The following NLGN4X variants were observed in gnomAD, a reference collection of about 807,000 sequenced individuals.
NLGN4X encodes neuroligin 4 X-linked.
Under a neutral mutation model 40.3 loss-of-function variants are expected in NLGN4X, and 3 were observed. The ratio of observed to expected loss-of-function variants is 0.07; its 90% CI spans 0.03 to 0.19. The LOEUF (loss-of-function observed/expected upper bound fraction) is 0.19. Ranked by LOEUF, NLGN4X falls within the 10% of genes least tolerant of loss-of-function variation. NLGN4X has a pLI of 1.00. For synonymous variants in NLGN4X, 270 were observed against 306.8 expected (o/e 0.88, Z 1.25); for missense variants, 382 against 708.3 (o/e 0.54, Z 5.23).
At chrX:6,102,189 C>A (rs1027536538) in intron 2 of NLGN4X, among the ~76,000 whole-genome samples, 2 of 111,641 alleles carry the variant, frequency 1.8e-5, no homozygotes, top group East Asian at 5.6e-4. Context: ...AGGAGATGGA[C>A]ACCCCATTTT....
At chrX:5,936,042 T>C (rs1236186290) in intron 3 of NLGN4X, among the ~76,000 whole-genome samples, 1 of 112,247 alleles carries the variant, frequency 8.9e-6, no homozygotes, top group Non-Finnish European at 1.9e-5. Flanking sequence ...AAAATCTTCG[T>C]GTTCTAATCT....
chrX:5,990,452 C>T (rs1288301547), intron 3 of NLGN4X, among the ~76,000 whole-genome samples: 1 of 111,222 alleles, frequency 9.0e-6, no homozygotes, highest in Non-Finnish European at 1.9e-5. Flanking sequence ...ACCCATGGCT[C>T]TCTGCAAAAG....
intron 3 of NLGN4X, among the ~76,000 whole-genome samples, chrX:5,937,855 A>G (rs758145282): frequency 8.9e-6 from 1 of 112,220 alleles, no homozygotes; most frequent in South Asian, 3.7e-4. Flanking sequence ...TTATGGATGA[A>G]AGTTTCAACA....
chrX:5,892,532 T>G lies in NLGN4X; in HGVS notation c.*285A>C. The G allele has an allele frequency of 3.0e-6, 1 of 332,281 alleles. No homozygotes were observed. The highest frequency in any genetic ancestry group is 5.9e-5 in the East Asian group (1 of 17,023). 27.4% of individuals were successfully genotyped at this position (332,281 alleles called of 1,213,427 possible). On this transcript the variant is annotated 3_prime_UTR_variant, in exon 6 of 6. Coordinates refer to ENST00000381095, the MANE Select transcript of NLGN4X (RefSeq NM_181332.3). ...TGGTGATGTCCTATCACACTAAACA[T>G]CGATTGGAGTGGTAGAGATCTTAAA...
intron 5 of NLGN4X, among the ~76,000 whole-genome samples, chrX:5,897,449 C>T (rs1310715212): frequency 1.8e-5 from 2 of 111,416 alleles, no homozygotes; most frequent in Non-Finnish European, 3.8e-5. Context: ...TTCACTTCTC[C>T]TTGACACTGC....
At chrX:6,051,457 T>G (rs1295243132) in intron 2 of NLGN4X, among the ~76,000 whole-genome samples, 1 of 110,944 alleles carries the variant, frequency 9.0e-6, no homozygotes, top group African/African-American at 3.3e-5. Flanking sequence ...TAGTATCCTT[T>G]TAAGAAGAGG....
chrX:6,067,158 C>T (rs1291157759), intron 2 of NLGN4X, among the ~76,000 whole-genome samples: 2 of 108,980 alleles, frequency 1.8e-5, no homozygotes, highest in African/African-American at 6.7e-5. Context: ...CAAATGCATA[C>T]AATTTAAAGC....
At chrX:6,093,355 T>G (rs2147457541) in intron 2 of NLGN4X, among the ~76,000 whole-genome samples, 1 of 112,407 alleles carries the variant, frequency 8.9e-6, no homozygotes, top group Non-Finnish European at 1.9e-5. Flanking sequence ...GACAGGTGAT[T>G]GGTATTTTCT....
chrX:5,936,887 G>A (rs1330855991), intron 3 of NLGN4X, among the ~76,000 whole-genome samples: 2 of 111,907 alleles, frequency 1.8e-5, no homozygotes, highest in South Asian at 3.7e-4. Context: ...GATCAGTGGA[G>A]CTGAGAGTTG....
intron 1 of NLGN4X, among the ~76,000 whole-genome samples, chrX:6,202,229 T>A (rs1923683002): frequency 9.1e-6 from 1 of 110,274 alleles, no homozygotes; most frequent in Non-Finnish European, 1.9e-5. Flanking sequence ...ATAAGGGAAG[T>A]GGGAACAATT....
At chrX:6,047,695 A>T (rs140821902) in intron 2 of NLGN4X, among the ~76,000 whole-genome samples, 1 of 111,859 alleles carries the variant, frequency 8.9e-6, no homozygotes, top group Admixed American at 9.5e-5. Context: ...CAAAATGTCC[A>T]GGATTGAGGG....
At chrX:5,900,379 G>A (rs766926464) in intron 5 of NLGN4X, among the ~76,000 whole-genome samples, 1 of 109,763 alleles carries the variant, frequency 9.1e-6, no homozygotes, top group African/African-American at 3.3e-5. Context: ...TGGTGCACCT[G>A]CAAGGTAGGA....
chrX:5,913,523 G>T (rs888399704), intron 3 of NLGN4X, among the ~76,000 whole-genome samples: 1 of 111,914 alleles, frequency 8.9e-6, no homozygotes, highest in Non-Finnish European at 1.9e-5. Context: ...CATTTTAGCC[G>T]ATGAAATTTT....
chrX:5,929,584 GCA>G lies in NLGN4X; in HGVS notation c.626-20347_626-20346del, dbSNP rs1195554616. ...TATATATATGCATGCACACATGTGTGCACACACACATATTTCACACTTATTAC... is the reference window on the plus strand; with the variant it reads ...TATATATATGCATGCACACATGTGTGCACACACATATTTCACACTTATTAC... On this transcript the variant is annotated intron_variant, in intron 3 of 5. Coordinates refer to ENST00000381095, the MANE Select transcript of NLGN4X (RefSeq NM_181332.3). Among the ~76,000 whole-genome samples, 5 of 111,958 alleles carry G rather than the reference GCA, an allele frequency of 4.5e-5. No homozygotes were observed. In the South Asian group the frequency reaches 1.5e-3, roughly 33 times the overall value.
At chrX:6,228,042 T>C (rs1203890129) in intron 1 of NLGN4X, among the ~76,000 whole-genome samples, 1 of 109,609 alleles carries the variant, frequency 9.1e-6, no homozygotes, top group Admixed American at 9.7e-5. Context: ...GCCTTCACCA[T>C]CTCCAGCCCT....
At chrX:6,183,428 T>C (rs1194291636) in intron 1 of NLGN4X, among the ~76,000 whole-genome samples, 2 of 110,447 alleles carry the variant, frequency 1.8e-5, no homozygotes, top group Non-Finnish European at 3.8e-5. Context: ...GCGCCTGTAG[T>C]CCCAGCCACT....
intron 4 of NLGN4X, among the ~76,000 whole-genome samples, chrX:5,904,725 C>T (rs761630718): frequency 2.1e-4 from 23 of 111,866 alleles, no homozygotes; most frequent in Admixed American, 4.7e-4. Flanking sequence ...AAGAGAGGTG[C>T]GCTGTAAAAA....
At chrX:5,914,039 T>C (rs998011709) in intron 3 of NLGN4X, among the ~76,000 whole-genome samples, 22 of 112,346 alleles carry the variant, frequency 2.0e-4, no homozygotes, top group African/African-American at 7.1e-4. Flanking sequence ...ATTAAACTTC[T>C]TTTCTTTATA....
intron 3 of NLGN4X, among the ~76,000 whole-genome samples, chrX:5,973,006 T>C (rs1259267986): frequency 8.9e-6 from 1 of 112,465 alleles, no homozygotes; most frequent in African/African-American, 3.2e-5. Flanking sequence ...TTCAAATATA[T>C]AGATTGCTTT....
Sources: allele counts gnomAD v4.1 joint callset (sites outside exome capture counted in the v4.1 genomes callset), GRCh38; gene constraint gnomAD v4.1.1; transcripts MANE v1.5; gene names NCBI Gene and HGNC (gene_info 2026-07-23, HGNC 2026-07-21).